CNKSR3: variants seen among roughly 807,000 people sequenced by gnomAD.
The protein encoded by CNKSR3 is CNKSR family member 3, also known as connector enhancer of kinase suppressor of ras 3.
A neutral mutation model predicts 67.7 loss-of-function variants in CNKSR3; 36 were observed. The observed-to-expected ratio is 0.53, with a 90% CI of 0.41 to 0.70. The LOEUF is 0.70. Ranked by LOEUF, CNKSR3 falls within the 30% of genes least tolerant of loss-of-function variation. CNKSR3 has a pLI of 0.00. For synonymous variants in CNKSR3, 281 were observed against 271.4 expected (o/e 1.04, Z -0.35); for missense variants, 630 against 695.2 (o/e 0.91, Z 1.05).
intron 4 of CNKSR3, among the ~76,000 whole-genome samples, chr6:154,436,361 A>G (rs1785472701): frequency 2.0e-5 from 3 of 151,908 alleles, no homozygotes; most frequent in South Asian, 2.1e-4. Flanking sequence ...TTTTTTTAAT[A>G]TAGAGGTCTC....
At chr6:154,412,178 A>G (rs747448800) in intron 10 of CNKSR3, among the ~76,000 whole-genome samples, 184 of 152,256 alleles carry the variant, frequency 1.2e-3, no homozygotes, top group Non-Finnish European at 2.3e-3. Context: ...CCCAGGTGGG[A>G]TGGCATCCAC....
chr6:154,490,371 A>G (rs1043256710), intron 1 of CNKSR3, among the ~76,000 whole-genome samples: 1 of 152,166 alleles, frequency 6.6e-6, no homozygotes, highest in African/African-American at 2.4e-5. Flanking sequence ...AAAAATAAAT[A>G]CACATGTATG....
chr6:154,504,145 G>A (rs183048978), intron 1 of CNKSR3, among the ~76,000 whole-genome samples: 64 of 152,298 alleles, frequency 4.2e-4, no homozygotes, highest in Non-Finnish European at 7.6e-4. Context: ...CTCACTGCAA[G>A]CCCAGGTACT....
intron 1 of CNKSR3, among the ~76,000 whole-genome samples, chr6:154,493,497 CA>C (rs1786820742): frequency 6.6e-6 from 1 of 152,220 alleles, no homozygotes; most frequent in Non-Finnish European, 1.5e-5. Context: ...CAGTGAATAG[CA>C]ACCTTCTCCA....
rs13218177 is a variant in CNKSR3 at position 154,396,918 on chromosome 6, A to G, written c.*9436T>C. Reference sequence around the variant, plus strand: ...GGGTTCACGCCATTCTCCTGCCTCAACCTCCCGAGTAGCTGGGACTACAGG... The same window carrying G: ...GGGTTCACGCCATTCTCCTGCCTCAGCCTCCCGAGTAGCTGGGACTACAGG... On this transcript the variant is annotated 3_prime_UTR_variant, in exon 13 of 13. Coordinates refer to ENST00000607772, the MANE Select transcript of CNKSR3 (RefSeq NM_173515.4). 0.11 allele frequency: 16,107 copies of G among 151,174 alleles called. 1,153 individuals are homozygous for G. The highest frequency in any genetic ancestry group is 0.24 in the Admixed American group (3,639 of 15,160). The allele number at this position is 151,174 out of a possible 1,614,324, so 9.4% of individuals were successfully genotyped here.
At position 154,415,227 on chromosome 6, in the gene CNKSR3, C is replaced by CTTTTTTTTTTTT. The variant is rs773533317; in HGVS notation, c.946-805_946-804insAAAAAAAAAAAA. On this transcript the variant is annotated intron_variant, in intron 9 of 12. Coordinates refer to ENST00000607772, the MANE Select transcript of CNKSR3 (RefSeq NM_173515.4). ...ATCCTGGCTAGACTTACTAGCTGCC[C>CTTTTTTTTTTTT]ATTTTTTTTTTTTTTTTTTTTAAGA... Among the ~76,000 whole-genome samples the CTTTTTTTTTTTT allele has an allele frequency of 9.8e-4, 110 of 112,776 alleles. 17 individuals carry two copies. Among genetic ancestry groups the CTTTTTTTTTTTT allele is most frequent in the Non-Finnish European group, 1.7e-3 (96 of 57,590 alleles). 74.0% of individuals were successfully genotyped at this position (112,776 alleles called of 152,430 possible).
chr6:154,455,782 T>C (rs2128720020), intron 1 of CNKSR3, among the ~76,000 whole-genome samples: 1 of 152,300 alleles, frequency 6.6e-6, no homozygotes, highest in Non-Finnish European at 1.5e-5. Context: ...CAGTTACAGA[T>C]ATTTGCTGCA....
At position 154,389,590 on chromosome 6, in the gene CNKSR3, T is replaced by C. The variant is rs1041305223; in HGVS notation, c.*16764A>G. On this transcript the variant is annotated 3_prime_UTR_variant, in exon 13 of 13. Transcript: ENST00000607772. ...CTATTCATGGTCTTTTGTGGTTTCA[T>C]ATGGACTGTAGAATTGTTTTGTCCC... The C allele has an allele frequency of 1.3e-5, 2 of 152,234 alleles. No individual in the cohort carries two copies. The highest frequency in any genetic ancestry group is 2.4e-5 in the African/African-American group (1 of 41,472). The allele number at this position is 152,234 out of a possible 1,614,324, so 9.4% of individuals were successfully genotyped here. A position where few individuals can be genotyped will look rare whatever the true frequency, so the allele number is the denominator to read the frequency against.
rs1784697135 is a variant in CNKSR3 at position 154,399,787 on chromosome 6, C to T, written c.*6567G>A. The T allele has an allele frequency of 6.6e-6, 1 of 152,016 alleles. No homozygotes were observed. The highest frequency in any genetic ancestry group is 2.4e-5 in the African/African-American group (1 of 41,374). The allele number at this position is 152,016 out of a possible 1,614,324, so 9.4% of individuals were successfully genotyped here. On this transcript the variant is annotated 3_prime_UTR_variant, in exon 13 of 13. Coordinates refer to ENST00000607772, the MANE Select transcript of CNKSR3 (RefSeq NM_173515.4). ...ACTTCATTTCTGAAGCTCCCTGATTCTCTAAAATAATCAAAATGTTCAGCC... is the reference window on the plus strand; with the variant it reads ...ACTTCATTTCTGAAGCTCCCTGATTTTCTAAAATAATCAAAATGTTCAGCC...
rs901498887 is a variant in CNKSR3, at chr6:154,409,843, A to C, written c.1369+500T>G. Among the ~76,000 whole-genome samples the C allele has an allele frequency of 2.0e-5, 3 of 149,554 alleles. No homozygotes were observed. The East Asian group carries it at 5.9e-4, about 30-fold the overall frequency. ...AAGACCACTTACAGCTAGGAGTTTG[A>C]GACCAGCCTGGACAACATATTGAGA... On this transcript the variant is annotated intron_variant, in intron 12 of 12. Transcript: ENST00000607772.
At chr6:154,508,699 A>G (rs544821829) in intron 1 of CNKSR3, among the ~76,000 whole-genome samples, 1 of 152,338 alleles carries the variant, frequency 6.6e-6, no homozygotes, top group Admixed American at 6.5e-5. Flanking sequence ...ACCAAGGCAG[A>G]AACATGTGTT....
At chr6:154,456,149 C>T (rs1264525980) in intron 1 of CNKSR3, among the ~76,000 whole-genome samples, 1 of 152,148 alleles carries the variant, frequency 6.6e-6, no homozygotes, top group Non-Finnish European at 1.5e-5. Context: ...ACAGACCACA[C>T]CTTCTGTGGC....
chr6:154,496,733 G>A (rs760293482), intron 1 of CNKSR3, among the ~76,000 whole-genome samples: 1 of 152,172 alleles, frequency 6.6e-6, no homozygotes, highest in Non-Finnish European at 1.5e-5. Flanking sequence ...ATATTAAAAA[G>A]AGAAAAGAAG....
chr6:154,473,443 A>C (rs961509068), intron 1 of CNKSR3, among the ~76,000 whole-genome samples: 5 of 152,174 alleles, frequency 3.3e-5, no homozygotes, highest in Admixed American at 6.5e-5. Flanking sequence ...AGTGACCTGG[A>C]AAGTGGTTGA....
intron 1 of CNKSR3, among the ~76,000 whole-genome samples, chr6:154,464,900 G>A (rs1159690963): frequency 6.6e-6 from 1 of 151,592 alleles, no homozygotes; most frequent in Non-Finnish European, 1.5e-5. Context: ...CCAGCACTTT[G>A]GGAAGCCAAG....
chr6:154,454,082 AACACACAC>A (rs368097129), intron 1 of CNKSR3, among the ~76,000 whole-genome samples: 8 of 78,234 alleles, frequency 1.0e-4, no homozygotes, highest in African/African-American at 4.5e-4. Flanking sequence ...GCAAGATGAA[AACACACAC>A]ACACACACAC....
At chr6:154,452,576 T>C (rs866857912) in intron 1 of CNKSR3, among the ~76,000 whole-genome samples, 3 of 152,226 alleles carry the variant, frequency 2.0e-5, no homozygotes, top group African/African-American at 7.2e-5. Flanking sequence ...AAGAATTTTT[T>C]GTTTTAATTC....
In CNKSR3 at chr6:154,406,624, A is replaced by G. The variant is rs762021487; in HGVS notation, c.1398T>C (p.Ser466=). The change falls in exon 13 of 13, where the codon AGT becomes AGC. Residue 466 remains serine, a synonymous_variant. Transcript: ENST00000607772. ...CAATGATCGGAGGAATCCGCTCGTTACTGAAATACCGGCAAAGGGCATCCT... is the reference window on the plus strand; with the variant it reads ...CAATGATCGGAGGAATCCGCTCGTTGCTGAAATACCGGCAAAGGGCATCCT... ...KGEDALCRYF[S]NERIPPIIEE... is the part of the protein sequence containing the mutation. 9.3e-6 allele frequency: 15 copies of G among 1,613,554 alleles called. No homozygotes were observed. Among genetic ancestry groups the G allele is most frequent in the Middle Eastern group, 1.7e-4 (1 of 6,060 alleles).
chr6:154,506,845 T>C (rs760531408), intron 1 of CNKSR3, among the ~76,000 whole-genome samples: 1 of 152,242 alleles, frequency 6.6e-6, no homozygotes, highest in Admixed American at 6.5e-5. Flanking sequence ...AGATAGAGAA[T>C]AACACAGACA....
Sources: gnomAD v4.1 joint callset for allele counts (sites outside exome capture counted in the v4.1 genomes callset) on GRCh38, gnomAD v4.1.1 for gene constraint, MANE v1.5 for transcripts, NCBI Gene and HGNC (gene_info 2026-07-23, HGNC 2026-07-21) for gene names.